RYR3: variants seen among roughly 807,000 people sequenced by gnomAD.
The protein encoded by RYR3 is brain ryanodine receptor-calcium release channel.
Under a neutral mutation model 584.3 loss-of-function variants are expected in RYR3, and 207 were observed. That is an observed-to-expected ratio of 0.35 (90% CI 0.32 to 0.40). The LOEUF is 0.40. RYR3 is among the 10% of genes least tolerant of loss of function. The probability of loss-of-function intolerance (pLI) is 1.00; values close to 1 mark genes in which losing one functional copy is unlikely to be tolerated. For missense variants in RYR3, 5,616 were observed against 6,089.2 expected (o/e 0.92, Z 2.59); for synonymous variants, 2,416 against 2,248.5 (o/e 1.07, Z -2.11).
intron 64 of RYR3, 33 bp from the exon 65 acceptor site, chr15:33,780,178 G>T: frequency 1.2e-6 from 2 of 1,607,326 alleles, no homozygotes; most frequent in Non-Finnish European, 1.7e-6. Context: ...CATGTGGGGG[G>T]CCACACTTCT....
rs529383046 is a variant in RYR3, at chr15:33,715,561, C to A, written c.6620-7154C>A. ...CACCTTTGTACTAACTGTAAGGTAT[C>A]TTAGTCCATTTATACTGCAGCAACA... On this transcript the variant is annotated intron_variant, in intron 43 of 103. Transcript: ENST00000634891. Among the ~76,000 whole-genome samples the A allele has an allele frequency of 5.3e-5, 8 of 152,280 alleles. 1 individual carries two copies. In the South Asian group the frequency reaches 1.7e-3, roughly 32 times the overall value.
intron 45 of RYR3, among the ~76,000 whole-genome samples, chr15:33,725,209 A>C (rs560729836): frequency 6.7e-6 from 1 of 150,328 alleles, no homozygotes; most frequent in South Asian, 2.1e-4. Context: ...ACACATATAT[A>C]CATCCCTTCT....
chr15:33,402,756 C>T (rs1263613525), intron 1 of RYR3, among the ~76,000 whole-genome samples: 1 of 152,220 alleles, frequency 6.6e-6, no homozygotes, highest in African/African-American at 2.4e-5. Flanking sequence ...GACTCAAGGA[C>T]TCAGAAGACT....
chr15:33,551,874 C>T (rs1222458232), intron 10 of RYR3, among the ~76,000 whole-genome samples: 1 of 152,082 alleles, frequency 6.6e-6, no homozygotes, highest in Non-Finnish European at 1.5e-5. Context: ...TTCAGTGAAA[C>T]AAAGCAACAG....
chr15:33,462,131 A>G (rs889543225), intron 1 of RYR3, among the ~76,000 whole-genome samples: 1 of 152,194 alleles, frequency 6.6e-6, no homozygotes, highest in African/African-American at 2.4e-5. Context: ...GTTTTCAAAG[A>G]TTTAACCTTC....
At chr15:33,675,376 A>C (rs1442360958) in intron 38 of RYR3, among the ~76,000 whole-genome samples, 1 of 152,244 alleles carries the variant, frequency 6.6e-6, no homozygotes, top group Non-Finnish European at 1.5e-5. Context: ...GGTGGCATAA[A>C]ACTTCAAAAC....
In RYR3 at chr15:33,772,092, C is replaced by T. The variant is rs749461205; in HGVS notation, c.8989C>T (p.Leu2997=). Residue 2997 remains leucine (L), a synonymous_variant, in exon 63 of 104, where the codon CTG becomes TTG. Transcript: ENST00000634891. ...SQNINYTTVA[L]LPILTSIFEH... is the part of the protein sequence containing the mutation. ...GAATATTAACTACACTACAGTGGCT[C>T]TGCTCCCCATCCTGACGTCCATCTT... 6.2e-7 allele frequency: 1 copy of T among 1,613,852 alleles called. No individual in the cohort carries two copies. The highest frequency in any genetic ancestry group is 1.7e-5 in the Admixed American group (1 of 60,020).
At chr15:33,769,240 T>G (rs1288802399) in intron 62 of RYR3, 68 bp downstream of exon 62, 1 of 1,143,540 alleles carries the variant, frequency 8.7e-7, no homozygotes, top group Non-Finnish European at 1.3e-6. Flanking sequence ...TCTCACTAAT[T>G]ATACTGAAGA....
intron 38 of RYR3, among the ~76,000 whole-genome samples, chr15:33,676,866 G>T (rs192007952): frequency 5.5e-4 from 84 of 152,284 alleles, no homozygotes; most frequent in African/African-American, 1.9e-3. Context: ...GTGATCTGTT[G>T]AATCAATCAT....
At chr15:33,707,086 C>T (rs1432002500) in intron 43 of RYR3, 32 bp downstream of exon 43, 2 of 1,611,370 alleles carry the variant, frequency 1.2e-6, no homozygotes, top group Non-Finnish European at 1.7e-6. Context: ...ACCTCTTATA[C>T]CCAGAATAGC....
intron 1 of RYR3, among the ~76,000 whole-genome samples, chr15:33,440,926 G>C (rs559510387): frequency 6.6e-6 from 1 of 152,330 alleles, no homozygotes; most frequent in Admixed American, 6.5e-5. Context: ...TTTGTGCTAA[G>C]AGCTGTGGAT....
intron 1 of RYR3, among the ~76,000 whole-genome samples, chr15:33,380,065 C>T (rs2041071708): frequency 6.6e-6 from 1 of 152,134 alleles, no homozygotes; most frequent in African/African-American, 2.4e-5. Context: ...TGGGTGATGC[C>T]CACCCACATT....
chr15:33,598,304 C>T (rs1411120035), intron 16 of RYR3, among the ~76,000 whole-genome samples: 1 of 122,092 alleles, frequency 8.2e-6, no homozygotes, highest in Non-Finnish European at 1.7e-5. Context: ...AAACCAAAAA[C>T]ATGAAGACCT....
chr15:33,732,346 C>T (rs1463420922), intron 48 of RYR3, among the ~76,000 whole-genome samples: 1 of 150,016 alleles, frequency 6.7e-6, no homozygotes, highest in Non-Finnish European at 1.5e-5. Flanking sequence ...CGAGATCATG[C>T]CACTGCACTC....
intron 16 of RYR3, among the ~76,000 whole-genome samples, chr15:33,597,444 G>A (rs999832250): frequency 6.6e-6 from 1 of 151,976 alleles, no homozygotes; most frequent in African/African-American, 2.4e-5. Context: ...GTGAAACCCT[G>A]TCTCTACTAA....
intron 1 of RYR3, among the ~76,000 whole-genome samples, chr15:33,443,190 A>G (rs2046364830): frequency 6.6e-6 from 1 of 151,118 alleles, no homozygotes; most frequent in African/African-American, 2.4e-5. Flanking sequence ...ACTAGGGAGG[A>G]GGAGGTTGCA....
chr15:33,671,805 C>CT (rs56206846), intron 38 of RYR3, among the ~76,000 whole-genome samples: 7,652 of 79,940 alleles, frequency 0.096, 516 homozygotes, highest in African/African-American at 0.15. Context: ...CCTTCTTTTT[C>CT]TTTTTTTTTT....
chr15:33,713,287 G>A (rs1307313694), intron 43 of RYR3, among the ~76,000 whole-genome samples: 2 of 151,954 alleles, frequency 1.3e-5, no homozygotes, highest in African/African-American at 4.8e-5. Flanking sequence ...AATTGTGATA[G>A]TGGGTGATGA....
rs74723555 is a variant in RYR3, at chr15:33,633,694, G to A, written c.3027+586G>A. On this transcript the variant is annotated intron_variant, in intron 24 of 103. Transcript: ENST00000634891. The stretch of plus-strand genomic sequence containing the variant: ...AAACTATGGGGGGAGGAGGAGCAGC[G>A]GAGTAAAGAGGTTCAAAACAGCATG... Among the ~76,000 whole-genome samples, 523 of 152,290 alleles carry A rather than the reference G, an allele frequency of 3.4e-3. 1 individual carries two copies. The highest frequency in any genetic ancestry group is 9.8e-3 in the African/African-American group (407 of 41,568).
Sources: gnomAD v4.1 joint callset for allele counts (sites outside exome capture counted in the v4.1 genomes callset) on GRCh38, gnomAD v4.1.1 for gene constraint, MANE v1.5 for transcripts, NCBI Gene and HGNC (gene_info 2026-07-23, HGNC 2026-07-21) for gene names.